ZNF385D: variants seen among roughly 807,000 people sequenced by gnomAD.
ZNF385D encodes the protein zinc finger protein 659.
ZNF385D carries 15 observed loss-of-function variants against 35.8 expected under a neutral mutation model. The observed-to-expected ratio is 0.42, with a 90% CI of 0.28 to 0.64. The LOEUF (loss-of-function observed/expected upper bound fraction) is 0.64. Among genes scored for constraint, ZNF385D ranks in the 30% least tolerant of loss-of-function variants. The pLI, the probability that ZNF385D is intolerant of heterozygous loss-of-function variation, is 0.23. For synonymous variants in ZNF385D, 212 were observed against 186.8 expected, an observed-to-expected ratio of 1.13 and a Z score of -1.10; for missense variants, 474 against 494.6, an observed-to-expected ratio of 0.96 and a Z score of 0.39.
At chr3:22,348,485 T>TAAAAAAAAAA (rs1168729541) in intron 2 of ZNF385D, among the ~76,000 whole-genome samples, 16 of 84,848 alleles carry the variant, frequency 1.9e-4, no homozygotes, top group African/African-American at 4.5e-4. Flanking sequence ...CCATCTCTAC[T>TAAAAAAAAAA]AAAAAAAAAA....
intron 3 of ZNF385D, among the ~76,000 whole-genome samples, chr3:21,760,853 G>C (rs2070575976): frequency 6.6e-6 from 1 of 152,094 alleles, no homozygotes; most frequent in Non-Finnish European, 1.5e-5. Context: ...TGAAAGATTG[G>C]TTTAATGTGT....
intron 2 of ZNF385D, among the ~76,000 whole-genome samples, chr3:21,612,266 T>C (rs2064705723): frequency 6.6e-6 from 1 of 152,060 alleles, no homozygotes; most frequent in Admixed American, 6.6e-5. Flanking sequence ...TTTTATTTTT[T>C]GTTTTTTATT....
chr3:21,828,380 T>A (rs1320681957), intron 3 of ZNF385D, among the ~76,000 whole-genome samples: 1 of 152,200 alleles, frequency 6.6e-6, no homozygotes, highest in African/African-American at 2.4e-5. Flanking sequence ...CTGAATGATA[T>A]AATAAATATA....
chr3:21,537,486 C>A (rs1005631346), intron 3 of ZNF385D, among the ~76,000 whole-genome samples: 1 of 152,030 alleles, frequency 6.6e-6, no homozygotes, highest in African/African-American at 2.4e-5. Context: ...TGTGCTAGTA[C>A]AACCCTGTCT....
chr3:21,562,225 C>T (rs925382066), intron 3 of ZNF385D: 2 of 152,046 alleles, frequency 1.3e-5, no homozygotes, highest in African/African-American at 4.8e-5. Context: ...AATAAGAATA[C>T]ATTTTTGAAA....
chr3:22,126,937 C>T (rs1703467574), intron 3 of ZNF385D, among the ~76,000 whole-genome samples: 3 of 151,996 alleles, frequency 2.0e-5, no homozygotes, highest in African/African-American at 2.4e-5. Flanking sequence ...AGTTCTTTGT[C>T]CCTTTTTTGT....
At chr3:21,978,482 T>C (rs891227509) in intron 3 of ZNF385D, among the ~76,000 whole-genome samples, 3 of 152,170 alleles carry the variant, frequency 2.0e-5, no homozygotes, top group Non-Finnish European at 2.9e-5. Flanking sequence ...CAAAAGTAGA[T>C]TAGGATGTGG....
chr3:22,107,686 T>C (rs1702299485), intron 3 of ZNF385D, among the ~76,000 whole-genome samples: 1 of 152,192 alleles, frequency 6.6e-6, no homozygotes, highest in African/African-American at 2.4e-5. Flanking sequence ...TGTTTGCCAA[T>C]TGTTGATATA....
At chr3:21,565,882 T>TAATA (rs1240142309) in intron 2 of ZNF385D, among the ~76,000 whole-genome samples, 2 of 152,124 alleles carry the variant, frequency 1.3e-5, no homozygotes, top group Non-Finnish European at 2.9e-5. Flanking sequence ...AATGACTCTC[T>TAATA]AATATTCACC....
At chr3:22,120,799 C>T (rs921368671) in intron 3 of ZNF385D, among the ~76,000 whole-genome samples, 3 of 152,030 alleles carry the variant, frequency 2.0e-5, no homozygotes, top group Non-Finnish European at 2.9e-5. Context: ...TCCTAATTAC[C>T]GTTTATAACC....
At chr3:21,795,606 G>C (rs1304246494) in intron 3 of ZNF385D, among the ~76,000 whole-genome samples, 2 of 152,156 alleles carry the variant, frequency 1.3e-5, no homozygotes, top group Non-Finnish European at 2.9e-5. Flanking sequence ...AAGTAATTGT[G>C]ATATTTCCAT....
chr3:22,338,994 C>A (rs1213067256), intron 2 of ZNF385D, among the ~76,000 whole-genome samples: 1 of 151,992 alleles, frequency 6.6e-6, no homozygotes, highest in Admixed American at 6.6e-5. Flanking sequence ...AGCCACCACA[C>A]CTGGCCTCAT....
At chr3:21,530,036 A>G (rs1210320561) in intron 3 of ZNF385D, among the ~76,000 whole-genome samples, 3 of 151,922 alleles carry the variant, frequency 2.0e-5, no homozygotes, top group African/African-American at 7.3e-5. Flanking sequence ...GGTGAGGGTG[A>G]CTTATTACTC....
At chr3:22,261,503 G>A (rs986540440) in intron 2 of ZNF385D, among the ~76,000 whole-genome samples, 9 of 151,888 alleles carry the variant, frequency 5.9e-5, no homozygotes, top group African/African-American at 2.2e-4. Context: ...TAAAAATGTA[G>A]TGTCAATGGG....
At chr3:21,782,893 T>C (rs1436490795) in intron 3 of ZNF385D, among the ~76,000 whole-genome samples, 1 of 152,118 alleles carries the variant, frequency 6.6e-6, no homozygotes, top group East Asian at 1.9e-4. Flanking sequence ...CCTGGTTATA[T>C]CACATCCTGG....
At chr3:22,268,299 C>T (rs948706615) in intron 2 of ZNF385D, among the ~76,000 whole-genome samples, 6 of 151,932 alleles carry the variant, frequency 3.9e-5, no homozygotes, top group African/African-American at 1.4e-4. Context: ...TTTACTAAAA[C>T]TATTTGAAAA....
At chr3:21,472,600 A>T (rs1251715197) in intron 4 of ZNF385D, among the ~76,000 whole-genome samples, 2 of 152,188 alleles carry the variant, frequency 1.3e-5, no homozygotes, top group Non-Finnish European at 1.5e-5. Flanking sequence ...AGCAAACTGC[A>T]ATCTAACTTA....
intron 3 of ZNF385D, among the ~76,000 whole-genome samples, chr3:21,759,990 T>G (rs1483648465): frequency 6.6e-6 from 1 of 152,188 alleles, no homozygotes; most frequent in Admixed American, 6.5e-5. Flanking sequence ...GTGCCTCCAG[T>G]CAAATACAGT....
intron 3 of ZNF385D, among the ~76,000 whole-genome samples, chr3:22,004,585 C>A (rs1160700345): frequency 6.6e-6 from 1 of 152,152 alleles, no homozygotes; most frequent in Non-Finnish European, 1.5e-5. Context: ...TAGGGCAAAC[C>A]TGCCTCCCAT....
Sources: gnomAD v4.1 joint callset for allele counts (sites outside exome capture counted in the v4.1 genomes callset) on GRCh38, gnomAD v4.1.1 for gene constraint, MANE v1.5 for transcripts, NCBI Gene and HGNC (gene_info 2026-07-23, HGNC 2026-07-21) for gene names.